LRRTM4: variants seen among roughly 807,000 people sequenced by gnomAD.
LRRTM4 encodes the protein leucine rich repeat transmembrane neuronal 4, also known as leucine-rich repeat transmembrane neuronal protein 4.
A neutral mutation model predicts 47.6 loss-of-function variants in LRRTM4; 25 were observed. The observed-to-expected ratio is 0.53, with a 90% CI of 0.38 to 0.73. The LOEUF (loss-of-function observed/expected upper bound fraction) is 0.73. Among genes scored for constraint, LRRTM4 ranks in the 30% least tolerant of loss-of-function variants. The pLI is 0.00. For missense variants in LRRTM4, 638 were observed against 713.4 expected (o/e 0.89, Z 1.20); for synonymous variants, 311 against 269.5 (o/e 1.15, Z -1.51).
chr2:77,404,302 C>T (rs750600806), intron 3 of LRRTM4, among the ~76,000 whole-genome samples: 1 of 152,064 alleles, frequency 6.6e-6, no homozygotes, highest in Non-Finnish European at 1.5e-5. Context: ...GCACACTCTT[C>T]TGTTGTCACT....
At chr2:77,344,617 G>GA (rs1278758447) in intron 3 of LRRTM4, among the ~76,000 whole-genome samples, 2 of 151,054 alleles carry the variant, frequency 1.3e-5, no homozygotes, top group Admixed American at 1.3e-4. Flanking sequence ...TTATGATATG[G>GA]AAAAAAAAGC....
chr2:76,987,813 C>T (rs1434905132), intron 3 of LRRTM4, among the ~76,000 whole-genome samples: 3 of 151,494 alleles, frequency 2.0e-5, no homozygotes, highest in South Asian at 2.1e-4. Flanking sequence ...AAAGAAACAC[C>T]GGGAAAATTC....
chr2:77,107,818 C>CAAAAAAAA (rs768875970), intron 3 of LRRTM4, among the ~76,000 whole-genome samples: 2 of 57,796 alleles, frequency 3.5e-5, no homozygotes, highest in Non-Finnish European at 7.2e-5. Flanking sequence ...AAATCCAACT[C>CAAAAAAAA]AAAAAAAAAA....
At chr2:76,844,091 T>TG (rs1159744839) in intron 3 of LRRTM4, among the ~76,000 whole-genome samples, 1 of 150,996 alleles carries the variant, frequency 6.6e-6, no homozygotes, top group South Asian at 2.1e-4. Flanking sequence ...TTAATAGAGA[T>TG]GGGGTTTCAC....
At chr2:76,878,747 G>C (rs1672845830) in intron 3 of LRRTM4, among the ~76,000 whole-genome samples, 1 of 152,020 alleles carries the variant, frequency 6.6e-6, no homozygotes, top group Non-Finnish European at 1.5e-5. Flanking sequence ...GGTGGTGGGT[G>C]CTTGGAATCC....
chr2:77,325,338 C>T (rs1236470165), intron 3 of LRRTM4, among the ~76,000 whole-genome samples: 1 of 152,160 alleles, frequency 6.6e-6, no homozygotes, highest in Non-Finnish European at 1.5e-5. Context: ...CTTTTACTCT[C>T]ACTGTGGGTG....
chr2:76,782,881 G>A (rs112095089), intron 3 of LRRTM4, among the ~76,000 whole-genome samples: 6 of 152,054 alleles, frequency 3.9e-5, no homozygotes, highest in African/African-American at 1.4e-4. Flanking sequence ...TCGCTATTGG[G>A]GAAGTAATTT....
intron 3 of LRRTM4, among the ~76,000 whole-genome samples, chr2:77,309,534 G>A (rs575768411): frequency 3.1e-4 from 47 of 152,258 alleles, no homozygotes; most frequent in African/African-American, 1.1e-3. Context: ...CCCTTTGGCT[G>A]AGAAGGGAAA....
chr2:76,807,411 T>TATATATATAC (rs1558667282), intron 3 of LRRTM4, among the ~76,000 whole-genome samples: 1 of 86,046 alleles, frequency 1.2e-5, no homozygotes, highest in Non-Finnish European at 2.0e-5. Context: ...TATATACGTA[T>TATATATATAC]ATATATATAT....
chr2:77,304,250 GA>G (rs1039048578), intron 3 of LRRTM4, among the ~76,000 whole-genome samples: 1 of 152,088 alleles, frequency 6.6e-6, no homozygotes, highest in African/African-American at 2.4e-5. Flanking sequence ...TATGTCTTTT[GA>G]AAAATATCTG....
intron 3 of LRRTM4, among the ~76,000 whole-genome samples, chr2:77,255,161 A>G (rs750462949): frequency 5.3e-5 from 8 of 151,988 alleles, no homozygotes; most frequent in Non-Finnish European, 1.2e-4. Context: ...CATGGAAAAC[A>G]AAACTACTAG....
At chr2:77,341,366 C>G (rs879463418) in intron 3 of LRRTM4, among the ~76,000 whole-genome samples, 10 of 151,800 alleles carry the variant, frequency 6.6e-5, no homozygotes, top group African/African-American at 2.2e-4. Flanking sequence ...GTATATACCC[C>G]CTCCATCATC....
chr2:76,840,872 C>T (rs1671654783), intron 3 of LRRTM4, among the ~76,000 whole-genome samples: 1 of 151,908 alleles, frequency 6.6e-6, no homozygotes. Context: ...TGTGGCGATT[C>T]CTCAGGGATC....
intron 3 of LRRTM4, among the ~76,000 whole-genome samples, chr2:76,934,464 A>G (rs1367608862): frequency 6.6e-6 from 1 of 152,194 alleles, no homozygotes; most frequent in Non-Finnish European, 1.5e-5. Context: ...AATTCAGATT[A>G]CTGTGCCTTT....
intron 3 of LRRTM4, among the ~76,000 whole-genome samples, chr2:77,200,014 C>T (rs745586490): frequency 1.3e-5 from 2 of 151,816 alleles, no homozygotes; most frequent in East Asian, 1.9e-4. Flanking sequence ...ATAAATCAAA[C>T]GTGTGGGGAA....
chr2:77,162,794 G>T (rs1268493282), intron 3 of LRRTM4, among the ~76,000 whole-genome samples: 2 of 152,110 alleles, frequency 1.3e-5, no homozygotes, highest in African/African-American at 4.8e-5. Context: ...AAACAGAAAG[G>T]ACATCCACAC....
rs985901101 is a variant in LRRTM4, at chr2:76,777,604, G to C, written c.1552-28688C>G. Among the ~76,000 whole-genome samples, 105 of 148,916 alleles carry C rather than the reference G, an allele frequency of 7.1e-4. 2 individuals carry two copies. The highest frequency in any genetic ancestry group is 7.0e-3 in the Middle Eastern group (2 of 284). ...AGAATGCTTGTGATTTTTGCACATTGATTTTGTATCCTGAGACTTTGCTGA... is the reference window on the plus strand; with the variant it reads ...AGAATGCTTGTGATTTTTGCACATTCATTTTGTATCCTGAGACTTTGCTGA... On this transcript the variant is annotated intron_variant, in intron 3 of 3. Transcript: ENST00000409884.
chr2:76,859,972 T>A (rs1349190241), intron 3 of LRRTM4, among the ~76,000 whole-genome samples: 1 of 152,150 alleles, frequency 6.6e-6, no homozygotes, highest in African/African-American at 2.4e-5. Context: ...GCATAATATG[T>A]TGCATCAAAA....
intron 3 of LRRTM4, among the ~76,000 whole-genome samples, chr2:77,081,928 T>G (rs2103857925): frequency 6.6e-6 from 1 of 152,268 alleles, no homozygotes; most frequent in Non-Finnish European, 1.5e-5. Context: ...GGTTTTATTT[T>G]TAAATAGTCA....
Sources: gnomAD v4.1 joint callset for allele counts (sites outside exome capture counted in the v4.1 genomes callset) on GRCh38, gnomAD v4.1.1 for gene constraint, MANE v1.5 for transcripts, NCBI Gene and HGNC (gene_info 2026-07-23, HGNC 2026-07-21) for gene names.